SORBS2: variants seen among roughly 807,000 people sequenced by gnomAD.
SORBS2 encodes sorbin and SH3 domain-containing protein 2.
Under a neutral mutation model 97.7 loss-of-function variants are expected in SORBS2, and 46 were observed. The observed-to-expected ratio is 0.47, with a 90% CI of 0.37 to 0.60. SORBS2 has a LOEUF of 0.60. SORBS2 is among the 20% of genes least tolerant of loss of function. The probability of loss-of-function intolerance (pLI) is 0.00; values close to 1 mark genes in which losing one functional copy is unlikely to be tolerated. For missense variants in SORBS2, 1,316 were observed against 1,282.3 expected, an observed-to-expected ratio of 1.03 and a Z score of -0.40; for synonymous variants, 476 against 473.4, an observed-to-expected ratio of 1.01 and a Z score of -0.07.
chr4:185,798,623 A>C (rs1044199844), intron 1 of SORBS2, among the ~76,000 whole-genome samples: 2 of 152,194 alleles, frequency 1.3e-5, no homozygotes, highest in Non-Finnish European at 2.9e-5. Flanking sequence ...ACATCATCAT[A>C]GTCTTATTAA....
At chr4:185,858,025 A>G (rs993533065) in intron 1 of SORBS2, among the ~76,000 whole-genome samples, 2 of 152,078 alleles carry the variant, frequency 1.3e-5, no homozygotes, top group Admixed American at 6.6e-5. Flanking sequence ...CTCCCTGTTC[A>G]TACATCCCCT....
At chr4:185,653,881 C>A (rs988204482) in intron 1 of SORBS2, among the ~76,000 whole-genome samples, 2 of 152,142 alleles carry the variant, frequency 1.3e-5, no homozygotes, top group Non-Finnish European at 2.9e-5. Context: ...ACACACCAGA[C>A]GTTCCAAGAC....
intron 1 of SORBS2, among the ~76,000 whole-genome samples, chr4:185,850,091 C>G (rs1440888296): frequency 2.6e-5 from 4 of 152,180 alleles, no homozygotes; most frequent in African/African-American, 7.2e-5. Context: ...TGAAACGAAG[C>G]TCTTTCATGG....
intron 1 of SORBS2, among the ~76,000 whole-genome samples, chr4:185,827,102 CCATCATCGCCATCATCAT>C (rs2099200526): frequency 1.0e-5 from 1 of 100,314 alleles, no homozygotes; most frequent in Non-Finnish European, 2.2e-5. Context: ...ATCATCATCA[CCATCATCGCCATCATCAT>C]CACCATCATC....
intron 1 of SORBS2, among the ~76,000 whole-genome samples, chr4:185,804,423 G>A (rs565730505): frequency 6.6e-6 from 1 of 152,304 alleles, no homozygotes; most frequent in African/African-American, 2.4e-5. Flanking sequence ...GACTGGACAC[G>A]TCAAAACACT....
At chr4:185,819,301 C>T (rs554253371) in intron 1 of SORBS2, among the ~76,000 whole-genome samples, 235 of 152,326 alleles carry the variant, frequency 1.5e-3, no homozygotes, top group African/African-American at 5.3e-3. Flanking sequence ...CAAGAATCCT[C>T]GTGGTCCAGA....
At chr4:185,610,700 C>T (rs1034882609) in intron 12 of SORBS2, among the ~76,000 whole-genome samples, 14 of 151,894 alleles carry the variant, frequency 9.2e-5, no homozygotes, top group Admixed American at 4.6e-4. Flanking sequence ...GTTTTTTCAT[C>T]GGAACATGAA....
At chr4:185,846,441 T>C (rs1356427279) in intron 1 of SORBS2, among the ~76,000 whole-genome samples, 1 of 152,210 alleles carries the variant, frequency 6.6e-6, no homozygotes, top group South Asian at 2.1e-4. Flanking sequence ...TTTGAAGAGA[T>C]GAAAATTTTC....
At chr4:185,696,845 C>T (rs1223406326) in intron 2 of SORBS2, among the ~76,000 whole-genome samples, 1 of 152,148 alleles carries the variant, frequency 6.6e-6, no homozygotes, top group African/African-American at 2.4e-5. Context: ...AAGACTAAGT[C>T]ATTTGTTCAA....
At chr4:185,806,569 T>C (rs2099156874) in intron 1 of SORBS2, among the ~76,000 whole-genome samples, 2 of 147,738 alleles carry the variant, frequency 1.4e-5, no homozygotes, top group Non-Finnish European at 3.0e-5. Context: ...GCCATTCTCC[T>C]GCCTCAGCCT....
intron 1 of SORBS2, among the ~76,000 whole-genome samples, chr4:185,936,041 G>A (rs2099268786): frequency 1.3e-5 from 2 of 152,110 alleles, no homozygotes; most frequent in African/African-American, 4.8e-5. Context: ...TTGTAAAGAT[G>A]AGGTTTCACC....
chr4:185,595,126 C>A (rs1031772884), intron 12 of SORBS2, among the ~76,000 whole-genome samples: 1 of 152,170 alleles, frequency 6.6e-6, no homozygotes, highest in Non-Finnish European at 1.5e-5. Flanking sequence ...TTTATCCACC[C>A]CCTTTCTATC....
chr4:185,680,886 G>A (rs973323125), intron 2 of SORBS2, among the ~76,000 whole-genome samples: 1 of 152,148 alleles, frequency 6.6e-6, no homozygotes, highest in Admixed American at 6.5e-5. Context: ...GACGGTAAGT[G>A]TGAGAATCAG....
rs548902403 is a variant in SORBS2 at position 185,924,680 on chromosome 4, C to T, written c.-338+31516G>A. On this transcript the variant is annotated intron_variant, in intron 1 of 20. Transcript: ENST00000284776. ...TTTCACGGGCTATGTGAATGACATGCCTGGTCAAACCAATCCCCTGTGCCC... is the reference window on the plus strand; with the variant it reads ...TTTCACGGGCTATGTGAATGACATGTCTGGTCAAACCAATCCCCTGTGCCC... 4.5e-4 allele frequency among the ~76,000 whole-genome samples: 69 copies of T among 152,298 alleles called. No individual in the cohort carries two copies. The South Asian group carries it at 0.014, about 31-fold the overall frequency.
At chr4:185,835,385 C>A (rs1294008508) in intron 1 of SORBS2, among the ~76,000 whole-genome samples, 3 of 152,144 alleles carry the variant, frequency 2.0e-5, no homozygotes, top group African/African-American at 4.8e-5. Flanking sequence ...AAGAACATTT[C>A]AATTCTAACG....
At chr4:185,886,301 A>G (rs2099239421) in intron 1 of SORBS2, among the ~76,000 whole-genome samples, 1 of 152,140 alleles carries the variant, frequency 6.6e-6, no homozygotes. Flanking sequence ...CACGCCTGTA[A>G]TCCCAGCACT....
chr4:185,820,694 G>A (rs890247421), intron 1 of SORBS2, among the ~76,000 whole-genome samples: 4 of 152,236 alleles, frequency 2.6e-5, no homozygotes, highest in African/African-American at 4.8e-5. Context: ...AAGAGGCACC[G>A]TGTTCTTTAA....
intron 1 of SORBS2, among the ~76,000 whole-genome samples, chr4:185,654,667 G>T (rs892756029): frequency 3.3e-5 from 5 of 152,198 alleles, no homozygotes; most frequent in Non-Finnish European, 7.3e-5. Context: ...AGCATTTAAA[G>T]TTCCTTTTGT....
chr4:185,751,309 A>G (rs895218748), intron 2 of SORBS2, among the ~76,000 whole-genome samples: 10 of 152,236 alleles, frequency 6.6e-5, no homozygotes, highest in African/African-American at 2.4e-4. Context: ...TAGGAACTAC[A>G]CTGAGAATCA....
Sources: gnomAD v4.1 joint callset for allele counts (sites outside exome capture counted in the v4.1 genomes callset) on GRCh38, gnomAD v4.1.1 for gene constraint, MANE v1.5 for transcripts, NCBI Gene and HGNC (gene_info 2026-07-23, HGNC 2026-07-21) for gene names.